Variants in CES5A observed in about 807,000 individuals in gnomAD.
CES5A encodes carboxylesterase 5A.
Under a neutral mutation model 62.9 loss-of-function variants are expected in CES5A, and 67 were observed. The ratio of observed to expected loss-of-function variants is 1.07; its 90% CI spans 0.88 to 1.31. The LOEUF is 1.31. Among genes scored for constraint, CES5A ranks in the 50% most tolerant of loss-of-function variants. The pLI, the probability that CES5A is intolerant of heterozygous loss-of-function variation, is 0.00. For missense variants in CES5A, 748 were observed against 708.5 expected (o/e 1.06, Z -0.63); for synonymous variants, 296 against 280.8 (o/e 1.05, Z -0.54).
chr16:55,859,709 A>AATCATCAGAT (rs775711537), intron 7 of CES5A, 22 bp from the exon 8 acceptor site: 10 of 1,592,498 alleles, frequency 6.3e-6, no homozygotes, highest in Non-Finnish European at 8.5e-6. Flanking sequence ...AAGAAAAAAA[A>AATCATCAGAT]ATCATCAGCT....
In CES5A at chr16:55,846,544, CA is replaced by C. The variant is rs758064010; in HGVS notation, c.1634del (p.Leu545ArgfsTer16). On this transcript the variant is annotated frameshift_variant, in exon 13 of 13. Coordinates refer to ENST00000290567, the MANE Select transcript of CES5A (RefSeq NM_001143685.2). LOFTEE classifies it low-confidence loss of function (END_TRUNC). The part of the protein sequence containing the change: ...RVDFWTSTIP[L>X]ILSASDMLHS... The stretch of plus-strand genomic sequence containing the variant: ...GGAGCATGTCGGAGGCAGACAGGAT[CA>C]GGGGGATGGTGCTGGTCCAAAAATC... The C allele has an allele frequency of 1.1e-5, 18 of 1,614,116 alleles. No individual in the cohort carries two copies. Among genetic ancestry groups the C allele is most frequent in the Middle Eastern group, 1.6e-4 (1 of 6,062 alleles).
intron 1 of CES5A, among the ~76,000 whole-genome samples, chr16:55,954,411 G>T (rs780581462): frequency 6.6e-6 from 1 of 152,160 alleles, no homozygotes; most frequent in East Asian, 1.9e-4. Context: ...TCTCATAGTC[G>T]GTCCTGACCG....
At chr16:55,850,512 C>A (rs912139694) in intron 10 of CES5A, among the ~76,000 whole-genome samples, 2 of 152,178 alleles carry the variant, frequency 1.3e-5, no homozygotes, top group Admixed American at 6.5e-5. Context: ...TTTCACTTAG[C>A]AAAATGTTTA....
At chr16:55,890,943 C>G (rs2142432694) in intron 1 of CES5A, among the ~76,000 whole-genome samples, 1 of 152,300 alleles carries the variant, frequency 6.6e-6, no homozygotes, top group African/African-American at 2.4e-5. Context: ...TACTTTTAAA[C>G]TTAACTTCCT....
chr16:55,870,212 A>G (rs1385994889), intron 3 of CES5A, among the ~76,000 whole-genome samples: 3 of 151,890 alleles, frequency 2.0e-5, no homozygotes, highest in Non-Finnish European at 4.4e-5. Context: ...AAGCAGCCCA[A>G]GGTGTTTCAG....
chr16:55,853,844 G>A (rs553580479), intron 9 of CES5A, among the ~76,000 whole-genome samples: 1 of 152,206 alleles, frequency 6.6e-6, no homozygotes, highest in African/African-American at 2.4e-5. Flanking sequence ...TCTAGGAAAT[G>A]CTGGAAAGGT....
rs774387003 is a variant in CES5A, at chr16:55,866,057, G to A, written c.611C>T (p.Ser204Phe). The A allele has an allele frequency of 5.0e-6, 8 of 1,614,024 alleles. No individual in the cohort carries two copies. In the East Asian group the frequency reaches 1.6e-4, roughly 31 times the overall value. Residue 204 changes from serine (S) to phenylalanine (F), a missense_variant, in exon 5 of 13, where the codon TCC becomes TTC. Coordinates refer to ENST00000290567, the MANE Select transcript of CES5A (RefSeq NM_001143685.2). Reference protein sequence around the residue: ...WAFKDQVAALSWVQKNIEFFG... With the variant: ...WAFKDQVAALFWVQKNIEFFG... ...GAACTCGATGTTCTTCTGGACCCAG[G>A]ACAGAGCAGCCACCTGGTCCTTGAA...
intron 1 of CES5A, among the ~76,000 whole-genome samples, chr16:55,898,660 G>A (rs989376981): frequency 6.6e-6 from 1 of 152,182 alleles, no homozygotes; most frequent in African/African-American, 2.4e-5. Context: ...ACGGAAAAAA[G>A]GTTTCATCCT....
At chr16:55,905,370 A>ATTTTT (rs368761640) in intron 1 of CES5A, among the ~76,000 whole-genome samples, 5 of 146,428 alleles carry the variant, frequency 3.4e-5, no homozygotes, top group African/African-American at 2.5e-5. Context: ...TTTAAATCTG[A>ATTTTT]CTTTTTTTTT....
chr16:55,870,740 T>C (rs867481684), intron 3 of CES5A, among the ~76,000 whole-genome samples: 1 of 152,014 alleles, frequency 6.6e-6, no homozygotes, highest in Admixed American at 6.6e-5. Flanking sequence ...ATTAGAAAAA[T>C]TGGGATCAGG....
At chr16:55,906,757 T>C (rs555203657) in intron 1 of CES5A, among the ~76,000 whole-genome samples, 12 of 152,280 alleles carry the variant, frequency 7.9e-5, no homozygotes, top group African/African-American at 2.6e-4. Context: ...GCAGGTCTTA[T>C]GCACCTGCTC....
At chr16:55,914,061 G>C (rs1455391440) in intron 1 of CES5A, among the ~76,000 whole-genome samples, 1 of 152,076 alleles carries the variant, frequency 6.6e-6, no homozygotes, top group Non-Finnish European at 1.5e-5. Flanking sequence ...AAATACAGGA[G>C]GTCCAGTTAA....
intron 1 of CES5A, among the ~76,000 whole-genome samples, chr16:55,888,781 C>CT (rs1487809181): frequency 6.6e-6 from 1 of 152,282 alleles, no homozygotes; most frequent in Non-Finnish European, 1.5e-5. Flanking sequence ...GATGACAAGG[C>CT]TAAGACACAG....
At chr16:55,864,510 G>A (rs1177772778) in intron 5 of CES5A, among the ~76,000 whole-genome samples, 1 of 152,126 alleles carries the variant, frequency 6.6e-6, no homozygotes, top group African/African-American at 2.4e-5. Context: ...CACAATCAAT[G>A]AAATATCATG....
At chr16:55,872,543 C>G (rs902219458) in intron 2 of CES5A, among the ~76,000 whole-genome samples, 36 of 152,340 alleles carry the variant, frequency 2.4e-4, no homozygotes, top group African/African-American at 8.4e-4. Flanking sequence ...AGCACCAGCA[C>G]AGAGCATGAT....
intron 1 of CES5A, among the ~76,000 whole-genome samples, chr16:55,900,047 C>G (rs2033974913): frequency 6.6e-6 from 1 of 152,072 alleles, no homozygotes; most frequent in East Asian, 1.9e-4. Context: ...AGGGGATTTC[C>G]CAAGGTCACA....
chr16:55,854,747 T>C (rs535714792), intron 9 of CES5A, among the ~76,000 whole-genome samples: 10 of 151,302 alleles, frequency 6.6e-5, no homozygotes, highest in African/African-American at 2.4e-4. Flanking sequence ...GCCCAGGCTT[T>C]TCTTGAACTT....
rs192688842 is a variant in CES5A, at chr16:55,851,942, C to T, written c.1273+939G>A. 3.9e-5 allele frequency among the ~76,000 whole-genome samples: 6 copies of T among 152,238 alleles called. No homozygotes were observed. The East Asian group carries it at 1.2e-3, about 29-fold the overall frequency. ...ACGTGAAATAAGCCAGACAAAAGGACAAATATTGAATGATTCAACTTACAT... is the reference window on the plus strand; with the variant it reads ...ACGTGAAATAAGCCAGACAAAAGGATAAATATTGAATGATTCAACTTACAT... On this transcript the variant is annotated intron_variant, in intron 10 of 12. Transcript: ENST00000290567.
At chr16:55,951,991 A>G (rs570916626) in intron 1 of CES5A, among the ~76,000 whole-genome samples, 2 of 152,260 alleles carry the variant, frequency 1.3e-5, no homozygotes, top group East Asian at 1.9e-4. Context: ...AGGAGACTTC[A>G]TTATTTTCAG....
Sources: gnomAD v4.1 joint callset for allele counts (sites outside exome capture counted in the v4.1 genomes callset) on GRCh38, gnomAD v4.1.1 for gene constraint, MANE v1.5 for transcripts, NCBI Gene and HGNC (gene_info 2026-07-23, HGNC 2026-07-21) for gene names.